DNAH6: variants seen among roughly 807,000 people sequenced by gnomAD.
DNAH6 encodes the protein dynein axonemal heavy chain 6.
Under a neutral mutation model 491.4 loss-of-function variants are expected in DNAH6, and 340 were observed. The observed-to-expected ratio is 0.69, with a 90% CI of 0.63 to 0.76. The LOEUF (loss-of-function observed/expected upper bound fraction) is 0.76. DNAH6 is among the 30% of genes least tolerant of loss of function. The pLI, the probability that DNAH6 is intolerant of heterozygous loss-of-function variation, is 0.00. For synonymous variants in DNAH6, 1,603 were observed against 1,686.1 expected (o/e 0.95, Z 1.21); for missense variants, 4,443 against 4,972.2 (o/e 0.89, Z 3.20).
At chr2:84,780,532 G>C (rs575096937) in intron 64 of DNAH6, among the ~76,000 whole-genome samples, 5 of 152,082 alleles carry the variant, frequency 3.3e-5, no homozygotes, top group African/African-American at 9.6e-5. Context: ...TTCAACTCTT[G>C]GATCATTTTA....
At chr2:84,575,968 C>T (rs1682401164) in intron 12 of DNAH6, among the ~76,000 whole-genome samples, 1 of 152,184 alleles carries the variant, frequency 6.6e-6, no homozygotes, top group Non-Finnish European at 1.5e-5. Flanking sequence ...ATAGCCAAGT[C>T]ATATGACCTC....
intron 21 of DNAH6, among the ~76,000 whole-genome samples, chr2:84,611,109 T>G (rs1686281961): frequency 6.6e-6 from 1 of 152,190 alleles, no homozygotes; most frequent in Admixed American, 6.5e-5. Flanking sequence ...ACATTTAATT[T>G]CTGACCGTGT....
At chr2:84,572,680 G>C (rs1682015597) in intron 11 of DNAH6, among the ~76,000 whole-genome samples, 1 of 152,162 alleles carries the variant, frequency 6.6e-6, no homozygotes, top group African/African-American at 2.4e-5. Flanking sequence ...TAGCATTGGT[G>C]TGTTGGATTT....
intron 4 of DNAH6, among the ~76,000 whole-genome samples, chr2:84,539,334 A>G (rs1678012217): frequency 6.6e-6 from 1 of 152,088 alleles, no homozygotes. Flanking sequence ...ACAAACATAC[A>G]TGCACACACA....
chr2:84,580,083 T>C (rs1047041212), intron 14 of DNAH6, among the ~76,000 whole-genome samples: 1 of 152,212 alleles, frequency 6.6e-6, no homozygotes, highest in Non-Finnish European at 1.5e-5. Flanking sequence ...CCATAGGTTA[T>C]TGGAATTCTA....
chr2:84,603,500 T>G (rs1371181759), intron 18 of DNAH6, among the ~76,000 whole-genome samples: 4 of 152,172 alleles, frequency 2.6e-5, no homozygotes, highest in African/African-American at 9.7e-5. Flanking sequence ...TGTATCCCAC[T>G]GCTATTTTTA....
chr2:84,498,414 G>T, the DNAH6 span, among the ~76,000 whole-genome samples: 7 of 152,080 alleles, frequency 4.6e-5, no homozygotes, highest in South Asian at 1.4e-3. Context: ...TAAAGCCCTA[G>T]TATTTGTTTG....
intron 50 of DNAH6, 82 bp from the exon 51 acceptor site, chr2:84,703,985 A>G: frequency 9.5e-7 from 1 of 1,047,874 alleles, no homozygotes; most frequent in Non-Finnish European, 1.4e-6. Context: ...AAGGGCAAAT[A>G]TGACTCACTA....
intron 12 of DNAH6, among the ~76,000 whole-genome samples, chr2:84,576,075 A>T (rs1232362533): frequency 6.6e-6 from 1 of 152,242 alleles, no homozygotes. Context: ...ACATGATACC[A>T]TGAAAAAAGA....
chr2:84,815,791 A>G (rs1364801621), intron 75 of DNAH6, 70 bp from the exon 76 acceptor site: 14 of 1,079,656 alleles, frequency 1.3e-5, no homozygotes, highest in Non-Finnish European at 1.9e-5. Flanking sequence ...GATGTGGGAC[A>G]TAGGAAGTGG....
the DNAH6 span, among the ~76,000 whole-genome samples, chr2:84,462,410 A>G: frequency 2.0e-5 from 3 of 152,248 alleles, no homozygotes; most frequent in Non-Finnish European, 4.4e-5. Flanking sequence ...CCTAAAATGT[A>G]TAAAAGCAAG....
intron 76 of DNAH6, among the ~76,000 whole-genome samples, chr2:84,818,349 T>G (rs1216209289): frequency 6.6e-6 from 1 of 151,276 alleles, no homozygotes; most frequent in African/African-American, 2.4e-5. Flanking sequence ...ATTAGCAAGG[T>G]GTGGTGCACA....
At chr2:84,494,881 C>T in the DNAH6 span, among the ~76,000 whole-genome samples, 16 of 152,238 alleles carry the variant, frequency 1.1e-4, no homozygotes, top group South Asian at 1.5e-3. Context: ...CAGATTGATT[C>T]ATGAGGTCTG....
chr2:84,723,931 A>G (rs1389654940), intron 60 of DNAH6, among the ~76,000 whole-genome samples: 1 of 152,184 alleles, frequency 6.6e-6, no homozygotes, highest in Non-Finnish European at 1.5e-5. Context: ...GAAGACAGAG[A>G]GTTTGCATTA....
chr2:84,785,411 C>T lies in DNAH6; in HGVS notation c.10954-199C>T, dbSNP rs144724392. ...GTTCAACCACTGTAGGTCTGAGAAA[C>T]CTGCCATTCCCTATTCTCCCTGGAC... is the stretch of plus-strand genomic sequence containing the variant. On this transcript the variant is annotated intron_variant, in intron 66 of 76. Transcript: ENST00000389394. Among the ~76,000 whole-genome samples, 1,066 of 152,322 alleles carry T rather than the reference C, an allele frequency of 7.0e-3. 9 individuals are homozygous for T. Among genetic ancestry groups the T allele is most frequent in the Non-Finnish European group, 0.012 (802 of 68,030 alleles).
At chr2:84,575,841 G>C (rs1212529947) in intron 12 of DNAH6, among the ~76,000 whole-genome samples, 1 of 152,116 alleles carries the variant, frequency 6.6e-6, no homozygotes, top group Non-Finnish European at 1.5e-5. Flanking sequence ...CCGAGATCGC[G>C]CCGCTGCACT....
chr2:84,813,834 A>C, intron 74 of DNAH6, 137 bp from the exon 75 acceptor site: 1 of 799,974 alleles, frequency 1.3e-6, no homozygotes, highest in Non-Finnish European at 2.0e-6. Flanking sequence ...AACTCAGAGG[A>C]AGGTATTAAG....
At chr2:84,792,756 T>TA (rs1181895847) in intron 68 of DNAH6, among the ~76,000 whole-genome samples, 10 of 152,324 alleles carry the variant, frequency 6.6e-5, no homozygotes, top group Admixed American at 3.3e-4. Context: ...GGTTAGCAAT[T>TA]ATGGTCTTTT....
intron 19 of DNAH6, among the ~76,000 whole-genome samples, chr2:84,604,993 A>T (rs981913254): frequency 6.6e-6 from 1 of 152,204 alleles, no homozygotes; most frequent in African/African-American, 2.4e-5. Context: ...ATATGTGTTA[A>T]TGTCAATCAA....
Sources: allele counts gnomAD v4.1 joint callset (sites outside exome capture counted in the v4.1 genomes callset), GRCh38; gene constraint gnomAD v4.1.1; transcripts MANE v1.5; gene names NCBI Gene and HGNC (gene_info 2026-07-23, HGNC 2026-07-21).